Variants in ARHGEF11 observed in about 807,000 individuals in gnomAD.
ARHGEF11 encodes Rho guanine exchange factor (GEF) 11.
ARHGEF11 carries 55 observed loss-of-function variants against 193.7 expected under a neutral mutation model. That is an observed-to-expected ratio of 0.28 (90% CI 0.23 to 0.36). The LOEUF is 0.36. Ranked by LOEUF, ARHGEF11 falls within the 10% of genes least tolerant of loss-of-function variation. ARHGEF11 has a pLI of 1.00. For synonymous variants in ARHGEF11, 693 were observed against 768.0 expected, an observed-to-expected ratio of 0.90 and a Z score of 1.62; for missense variants, 1,723 against 2,005.6, an observed-to-expected ratio of 0.86 and a Z score of 2.69.
intron 11 of ARHGEF11, among the ~76,000 whole-genome samples, chr1:156,966,517 C>T (rs1470326096): frequency 1.3e-5 from 2 of 152,228 alleles, no homozygotes; most frequent in Admixed American, 6.5e-5. Context: ...TGACAACCCA[C>T]AGTTTGAAAA....
At chr1:157,031,487 C>T (rs532822373) in intron 1 of ARHGEF11, among the ~76,000 whole-genome samples, 1 of 152,306 alleles carries the variant, frequency 6.6e-6, no homozygotes, top group South Asian at 2.1e-4. Flanking sequence ...AACCCTATGG[C>T]ACAAGAATTG....
intron 1 of ARHGEF11, among the ~76,000 whole-genome samples, chr1:157,026,035 A>AACT (rs1229999456): frequency 6.6e-6 from 1 of 152,204 alleles, no homozygotes; most frequent in African/African-American, 2.4e-5. Context: ...ACAGCACCCT[A>AACT]ACTACATTCA....
chr1:156,959,250 G>A, intron 15 of ARHGEF11, 108 bp from the exon 16 acceptor site: 1 of 893,170 alleles, frequency 1.1e-6, no homozygotes, highest in Admixed American at 2.2e-5. Flanking sequence ...ACACTGGGAG[G>A]AAGGGCTGGC....
At chr1:156,976,709 T>C (rs144079893) in intron 7 of ARHGEF11, among the ~76,000 whole-genome samples, 1 of 152,376 alleles carries the variant, frequency 6.6e-6, no homozygotes, top group Non-Finnish European at 1.5e-5. Context: ...CTTGGAAATG[T>C]CCCAGATAAA....
At chr1:156,955,849 C>G in intron 19 of ARHGEF11, 50 bp from the exon 20 acceptor site, 1 of 1,424,818 alleles carries the variant, frequency 7.0e-7, no homozygotes, top group Non-Finnish European at 9.9e-7. Context: ...GATACCCAGG[C>G]GTGGCTGCTA....
rs1673170085 is a variant in ARHGEF11 at position 157,044,884 on chromosome 1, G to A, written c.-554C>T. The A allele has an allele frequency of 5.5e-6, 1 of 182,622 alleles. No homozygotes were observed. Among genetic ancestry groups the A allele is most frequent in the Non-Finnish European group, 1.1e-5 (1 of 89,056 alleles). The allele number at this position is 182,622 out of a possible 1,614,324, so 11.3% of individuals were successfully genotyped here. ...GAAAAAAAAAAGGATTAATAAATCCGAAATGGCACTTGGAAAAATTCTTTC... is the reference window on the plus strand; with the variant it reads ...GAAAAAAAAAAGGATTAATAAATCCAAAATGGCACTTGGAAAAATTCTTTC... On this transcript the variant is annotated 5_prime_UTR_variant, in exon 1 of 41. Coordinates refer to ENST00000368194, the MANE Select transcript of ARHGEF11 (RefSeq NM_198236.3).
At chr1:157,027,082 T>TA (rs1397894653) in intron 1 of ARHGEF11, among the ~76,000 whole-genome samples, 2 of 152,136 alleles carry the variant, frequency 1.3e-5, no homozygotes, top group East Asian at 1.9e-4. Context: ...CAACATTACT[T>TA]AAAGAGTACT....
intron 6 of ARHGEF11, 93 bp from the exon 7 acceptor site, chr1:156,977,147 T>C: frequency 9.5e-7 from 1 of 1,054,556 alleles, no homozygotes; most frequent in South Asian, 1.3e-5. Context: ...AGGACAGCTA[T>C]GAGAATAGAG....
chr1:156,975,520 G>C (rs895143347), intron 7 of ARHGEF11, among the ~76,000 whole-genome samples: 1 of 152,056 alleles, frequency 6.6e-6, no homozygotes, highest in African/African-American at 2.4e-5. Context: ...TTACTTTCTT[G>C]ATAGAATCCT....
rs748039263 is a variant in ARHGEF11, at chr1:156,937,459, C to T, written c.4230G>A (p.Pro1410=). The change falls in exon 39 of 41, where the codon CCG becomes CCA. Residue 1410 remains proline, a synonymous_variant. Transcript: ENST00000368194. ...CFYVSMPSGP[P]DSSTDHSEAP... ...CCTCTGAGTGGTCGGTGCTTGAGTCCGGGGGTCCTGATGGCATGCTGACAT... is the reference window on the plus strand; with the variant it reads ...CCTCTGAGTGGTCGGTGCTTGAGTCTGGGGGTCCTGATGGCATGCTGACAT... The T allele has an allele frequency of 3.2e-5, 49 of 1,542,200 alleles. No homozygotes were observed. The highest frequency in any genetic ancestry group is 2.7e-4 in the Admixed American group (13 of 47,874).
chr1:156,950,572 T>C (rs1010405379), intron 22 of ARHGEF11, among the ~76,000 whole-genome samples: 1 of 152,128 alleles, frequency 6.6e-6, no homozygotes, highest in African/African-American at 2.4e-5. Flanking sequence ...CCCAGGAGTT[T>C]GAGGCTGCAG....
At position 156,969,262 on chromosome 1, in the gene ARHGEF11, C is replaced by T. The variant is rs1407989774; in HGVS notation, c.825+20G>A. 6.3e-7 allele frequency: 1 copy of T among 1,576,766 alleles called. No homozygotes were observed. On this transcript the variant is annotated intron_variant, in intron 10 of 40. Coordinates refer to ENST00000368194, the MANE Select transcript of ARHGEF11 (RefSeq NM_198236.3). ...CCCCGAATGCACGTTCTGAATGGGC[C>T]TTGCCCTGCTGGGACTCACCTCACT...
At chr1:156,960,558 T>C in intron 14 of ARHGEF11, 98 bp from the exon 15 acceptor site, 18 of 1,170,332 alleles carry the variant, frequency 1.5e-5, no homozygotes, top group Non-Finnish European at 2.1e-5. Flanking sequence ...CATGAACTTC[T>C]TGCCTTTTCG....
intron 21 of ARHGEF11, among the ~76,000 whole-genome samples, chr1:156,953,263 T>C (rs972118598): frequency 6.6e-6 from 1 of 152,290 alleles, no homozygotes; most frequent in Admixed American, 6.5e-5. Flanking sequence ...GGGCATATAG[T>C]GAGACCCTCT....
At position 156,948,582 on chromosome 1, in the gene ARHGEF11, C is replaced by T. The variant is rs749546576; in HGVS notation, c.1926-84G>A. ...CCTGGCTAACTCTTACCTGTGGCTCCATCTCAAAGATGCCTCCGTGCCACA... is the reference window on the plus strand; with the variant it reads ...CCTGGCTAACTCTTACCTGTGGCTCTATCTCAAAGATGCCTCCGTGCCACA... On this transcript the variant is annotated intron_variant, in intron 22 of 40. Transcript: ENST00000368194. The surrounding 1 kb of genome is among the most constrained non-coding windows in gnomAD (Gnocchi z 4.2). 29 of 1,611,602 alleles carry T rather than the reference C, an allele frequency of 1.8e-5. No individual in the cohort carries two copies. Among genetic ancestry groups the T allele is most frequent in the Non-Finnish European group, 2.4e-5 (28 of 1,179,468 alleles).
intron 1 of ARHGEF11, 98 bp from the exon 2 acceptor site, chr1:156,986,271 A>T: frequency 9.9e-7 from 1 of 1,014,572 alleles, no homozygotes; most frequent in Non-Finnish European, 1.5e-6. Context: ...TGAGTCTTGG[A>T]TAATGAGAGA....
intron 1 of ARHGEF11, among the ~76,000 whole-genome samples, chr1:157,031,953 G>C (rs1365521496): frequency 1.3e-5 from 2 of 152,168 alleles, no homozygotes; most frequent in Non-Finnish European, 2.9e-5. Flanking sequence ...CAGAACCTGG[G>C]ATCAGTTTGA....
chr1:156,995,017 A>G (rs1666280866), intron 1 of ARHGEF11, among the ~76,000 whole-genome samples: 1 of 151,990 alleles, frequency 6.6e-6, no homozygotes, highest in Non-Finnish European at 1.5e-5. Context: ...TATCTTTGAC[A>G]TCTCTCTGCA....
chr1:156,936,680 G>A, intron 40 of ARHGEF11, 136 bp downstream of exon 40: 2 of 1,050,792 alleles, frequency 1.9e-6, no homozygotes, highest in Non-Finnish European at 2.8e-6. Flanking sequence ...CTCTGAAGCT[G>A]AGAGAATGAA....
Sources: gnomAD v4.1 joint callset for allele counts (sites outside exome capture counted in the v4.1 genomes callset) on GRCh38, gnomAD v4.1.1 for gene constraint, Gnocchi (gnomAD v3.1) non-coding constraint, MANE v1.5 for transcripts, NCBI Gene and HGNC (gene_info 2026-07-23, HGNC 2026-07-21) for gene names.